COL22A1: variants seen among roughly 807,000 people sequenced by gnomAD.
COL22A1 encodes the protein collagen type XXII alpha 1 chain.
In COL22A1, 221 loss-of-function variants were observed where a neutral mutation model predicts 248.9. The ratio of observed to expected loss-of-function variants is 0.89; its 90% CI spans 0.80 to 0.99. The LOEUF (loss-of-function observed/expected upper bound fraction) is 0.99. Among genes scored for constraint, COL22A1 ranks in the 50% least tolerant of loss-of-function variants. The pLI is 0.00. For synonymous variants in COL22A1, 891 were observed against 793.4 expected (o/e 1.12, Z -2.07); for missense variants, 2,240 against 2,179.0 (o/e 1.03, Z -0.56).
At chr8:138,771,987 T>C (rs1240192585) in intron 16 of COL22A1, among the ~76,000 whole-genome samples, 2 of 152,106 alleles carry the variant, frequency 1.3e-5, no homozygotes, top group African/African-American at 4.8e-5. Flanking sequence ...GCTCAGTGAG[T>C]GTTTTCTCCC....
chr8:138,786,643 C>A (rs561648518), intron 12 of COL22A1, among the ~76,000 whole-genome samples: 2 of 152,156 alleles, frequency 1.3e-5, no homozygotes, highest in Non-Finnish European at 2.9e-5. Context: ...CAGTGGCTCA[C>A]GCTTGTAATC....
intron 5 of COL22A1, 77 bp downstream of exon 5, chr8:138,832,962 A>C (rs183274357): frequency 5.5e-4 from 538 of 977,896 alleles, no homozygotes; most frequent in Non-Finnish European, 8.1e-4. Flanking sequence ...GCCAAGTATG[A>C]AACAGGCTGC....
intron 32 of COL22A1, among the ~76,000 whole-genome samples, chr8:138,696,280 C>T (rs895452396): frequency 1.3e-5 from 2 of 152,128 alleles, no homozygotes; most frequent in Middle Eastern, 3.2e-3. Flanking sequence ...ACATCGGGCT[C>T]CCCTGCCACA....
intron 60 of COL22A1, among the ~76,000 whole-genome samples, chr8:138,601,340 T>C (rs1040591592): frequency 2.6e-5 from 4 of 152,114 alleles, no homozygotes; most frequent in African/African-American, 9.7e-5. Context: ...CTCACTCCTC[T>C]GGCTGTGGGA....
chr8:138,855,691 G>T (rs1003652748), intron 3 of COL22A1, among the ~76,000 whole-genome samples: 1 of 152,200 alleles, frequency 6.6e-6, no homozygotes, highest in Non-Finnish European at 1.5e-5. Flanking sequence ...TCTGAGCAAC[G>T]ATTGTGCCCG....
chr8:138,823,562 T>A (rs961738042), intron 6 of COL22A1, among the ~76,000 whole-genome samples: 3 of 152,142 alleles, frequency 2.0e-5, no homozygotes, highest in African/African-American at 7.2e-5. Context: ...CGCACCACCA[T>A]GCCCAGCTAA....
chr8:138,819,747 C>CAT (rs143848767), intron 7 of COL22A1, among the ~76,000 whole-genome samples: 7 of 148,630 alleles, frequency 4.7e-5, no homozygotes, highest in Non-Finnish European at 7.4e-5. Flanking sequence ...TTACACACAA[C>CAT]ATATATATAT....
chr8:138,701,026 C>G lies in COL22A1; in HGVS notation c.2560-882G>C, dbSNP rs550235302. Among the ~76,000 whole-genome samples, 24 of 145,456 alleles carry G rather than the reference C, an allele frequency of 1.6e-4. No homozygotes were observed. In the East Asian group the frequency reaches 4.9e-3, roughly 30 times the overall value. On this transcript the variant is annotated intron_variant, in intron 31 of 64. Coordinates refer to ENST00000303045, the MANE Select transcript of COL22A1 (RefSeq NM_152888.3). ...AAAAAAAAAAAGGCTTCTCAGGTGT[C>G]ATGCTTTCTCCAGCTTCAAAGCTTT... is the stretch of plus-strand genomic sequence containing the variant.
rs1481785051 is a variant in COL22A1 at position 138,789,496 on chromosome 8, G to A, written c.1596+7323C>T. On this transcript the variant is annotated intron_variant, in intron 12 of 64. Coordinates refer to ENST00000303045, the MANE Select transcript of COL22A1 (RefSeq NM_152888.3). The stretch of plus-strand genomic sequence containing the variant: ...AAAGGACCCAGAGCTAGAGGCAAAT[G>A]GCGTCAATATATCTATATCTTAGAA... Among the ~76,000 whole-genome samples the A allele has an allele frequency of 4.6e-5, 7 of 152,268 alleles. 1 individual carries two copies. In the South Asian group the frequency reaches 1.5e-3, roughly 32 times the overall value.
At chr8:138,673,627 G>C (rs750170829) in intron 41 of COL22A1, among the ~76,000 whole-genome samples, 1 of 152,188 alleles carries the variant, frequency 6.6e-6, no homozygotes, top group African/African-American at 2.4e-5. Context: ...GGGGGAAAAG[G>C]ACTGGTTTCA....
intron 3 of COL22A1, among the ~76,000 whole-genome samples, chr8:138,845,369 C>A (rs1421652449): frequency 6.6e-6 from 1 of 151,750 alleles, no homozygotes; most frequent in East Asian, 1.9e-4. Flanking sequence ...ATGAGTCGGG[C>A]ATGGTGGTGC....
chr8:138,689,158 CGGG>C (rs375913019), intron 36 of COL22A1, among the ~76,000 whole-genome samples, 188 bp from the exon 37 acceptor site: 291 of 143,850 alleles, frequency 2.0e-3, no homozygotes, highest in African/African-American at 7.7e-3. Context: ...GCTGCTCTCC[CGGG>C]GGGGGGGCTG....
intron 10 of COL22A1, among the ~76,000 whole-genome samples, chr8:138,806,675 CAAG>C (rs1817757429): frequency 6.6e-6 from 1 of 152,144 alleles, no homozygotes; most frequent in Non-Finnish European, 1.5e-5. Flanking sequence ...ACTCATTCAA[CAAG>C]AAGGGACCAC....
At chr8:138,778,544 C>CGAGACCTGTGCCA in intron 14 of COL22A1, 138 bp from the exon 15 acceptor site, 1 of 713,944 alleles carries the variant, frequency 1.4e-6, no homozygotes, top group Non-Finnish European at 2.3e-6. Flanking sequence ...ATGCTGTTGG[C>CGAGACCTGTGCCA]ACAGGTCTCG....
chr8:138,835,692 G>A (rs1034915604), intron 4 of COL22A1, among the ~76,000 whole-genome samples: 2 of 152,316 alleles, frequency 1.3e-5, no homozygotes, highest in Admixed American at 6.5e-5. Context: ...GAGACTGTGT[G>A]GGGGAGAGAA....
chr8:138,880,389 T>A (rs182337611), intron 2 of COL22A1, among the ~76,000 whole-genome samples: 1 of 152,374 alleles, frequency 6.6e-6, no homozygotes, highest in African/African-American at 2.4e-5. Flanking sequence ...TGACAGAAAC[T>A]GAGTGGGAAA....
chr8:138,589,423 C>T lies in COL22A1; in HGVS notation c.4711G>A (p.Gly1571Ser). 1.9e-6 allele frequency: 3 copies of T among 1,569,802 alleles called. No individual in the cohort carries two copies. The highest frequency in any genetic ancestry group is 2.6e-6 in the Non-Finnish European group (3 of 1,159,634). The change falls in exon 65 of 65, where the codon GGC becomes AGC. Residue 1571 changes from glycine (G) to serine (S), a missense_variant. Gly to Ser is a moderately conservative substitution (Grantham distance 56, BLOSUM62 0). Coordinates refer to ENST00000303045, the MANE Select transcript of COL22A1 (RefSeq NM_152888.3). ...CCAGGAAGTCCATCTTTAGCATAGC[C>T]AGGTTCCCCGGGTTGACCTGGCCCA... ...PGIPGQPGEP[G>S]YAKDGLPGIP... is the part of the protein sequence containing the mutation.
intron 10 of COL22A1, among the ~76,000 whole-genome samples, chr8:138,806,392 G>A (rs548055365): frequency 5.3e-5 from 8 of 151,968 alleles, no homozygotes; most frequent in African/African-American, 1.9e-4. Flanking sequence ...AAGCAGGGAA[G>A]GGTGTGAGAT....
chr8:138,611,709 C>G (rs1818878370), intron 56 of COL22A1, among the ~76,000 whole-genome samples: 1 of 152,234 alleles, frequency 6.6e-6, no homozygotes, highest in Non-Finnish European at 1.5e-5. Context: ...AGCTCACACC[C>G]AGGGAGCCTG....
Sources: allele counts gnomAD v4.1 joint callset (sites outside exome capture counted in the v4.1 genomes callset), GRCh38; gene constraint gnomAD v4.1.1; transcripts MANE v1.5; gene names NCBI Gene and HGNC (gene_info 2026-07-23, HGNC 2026-07-21).